The following GRIA4 variants were observed in gnomAD, a reference collection of about 807,000 sequenced individuals.
The protein encoded by GRIA4 is glutamate ionotropic receptor AMPA type subunit 4.
Under a neutral mutation model 104.0 loss-of-function variants are expected in GRIA4, and 34 were observed. The ratio of observed to expected loss-of-function variants is 0.33; its 90% CI spans 0.25 to 0.44. The LOEUF (loss-of-function observed/expected upper bound fraction) is 0.44. GRIA4 is among the 20% of genes least tolerant of loss of function. The pLI, the probability that GRIA4 is intolerant of heterozygous loss-of-function variation, is 1.00. For missense variants in GRIA4, 750 were observed against 1,096.5 expected (o/e 0.68, Z 4.46); for synonymous variants, 386 against 381.9 (o/e 1.01, Z -0.13).
rs200645930 is a variant in GRIA4, at chr11:105,753,181, G to A, written c.448G>A (p.Glu150Lys). The change falls in exon 4 of 17, where the codon GAA becomes AAA. Residue 150 changes from glutamate (E) to lysine (K), a missense_variant. Glu to Lys is a moderately conservative substitution (Grantham distance 56). Transcript: ENST00000282499. ...GALLSLLDHY[E>K]WNCFVFLYDT... ...ACTCTTGAGTTTGCTGGATCACTAC[G>A]AATGGAACTGTTTTGTCTTCCTGTA... 19 of 1,613,626 alleles carry A rather than the reference G, an allele frequency of 1.2e-5. 1 individual carries two copies. Among genetic ancestry groups the A allele is most frequent in the Admixed American group, 8.3e-5 (5 of 59,988 alleles).
chr11:105,676,946 G>T (rs1158858215), intron 3 of GRIA4, among the ~76,000 whole-genome samples: 2 of 151,710 alleles, frequency 1.3e-5, no homozygotes, highest in Non-Finnish European at 3.0e-5. Context: ...ATATTATAGA[G>T]GATTTGTGCA....
chr11:105,678,734 G>A (rs1246762791), intron 3 of GRIA4, among the ~76,000 whole-genome samples: 1 of 152,074 alleles, frequency 6.6e-6, no homozygotes, highest in Non-Finnish European at 1.5e-5. Context: ...GAAATTATGA[G>A]TAGATGAAAC....
chr11:105,830,560 G>T (rs11226859), intron 4 of GRIA4, among the ~76,000 whole-genome samples: 18,071 of 152,058 alleles, frequency 0.12, 1,182 homozygotes, highest in Admixed American at 0.21. Flanking sequence ...TGATAAGCTA[G>T]ATCTCAGCAG....
At chr11:105,853,656 T>C (rs577135446) in intron 4 of GRIA4, among the ~76,000 whole-genome samples, 12 of 152,240 alleles carry the variant, frequency 7.9e-5, no homozygotes, top group African/African-American at 2.9e-4. Context: ...GAAATGAAAA[T>C]GTCATATGGC....
intron 3 of GRIA4, among the ~76,000 whole-genome samples, chr11:105,742,565 CA>C (rs1419424216): frequency 6.6e-6 from 1 of 150,990 alleles, no homozygotes; most frequent in East Asian, 2.0e-4. Flanking sequence ...CACACATATA[CA>C]TGTGTGTATA....
intron 4 of GRIA4, among the ~76,000 whole-genome samples, chr11:105,776,326 T>C (rs1941449500): frequency 6.6e-6 from 1 of 152,304 alleles, no homozygotes; most frequent in African/African-American, 2.4e-5. Context: ...TTTAAAATCA[T>C]ATTTTACCAA....
At chr11:105,768,219 C>T (rs1043239173) in intron 4 of GRIA4, among the ~76,000 whole-genome samples, 2 of 151,866 alleles carry the variant, frequency 1.3e-5, no homozygotes, top group Non-Finnish European at 2.9e-5. Context: ...GAGGTAATGC[C>T]AAGTTTAATA....
At chr11:105,825,125 C>T (rs1307419765) in intron 4 of GRIA4, among the ~76,000 whole-genome samples, 1 of 152,022 alleles carries the variant, frequency 6.6e-6, no homozygotes, top group African/African-American at 2.4e-5. Context: ...AAAAGCTAGG[C>T]CAATGGAAAT....
At chr11:105,861,764 A>G (rs1372329942) in intron 4 of GRIA4, among the ~76,000 whole-genome samples, 1 of 152,232 alleles carries the variant, frequency 6.6e-6, no homozygotes, top group African/African-American at 2.4e-5. Context: ...GTCTACAGCA[A>G]TGCAATGTTC....
At chr11:105,760,068 C>T (rs11826985) in intron 4 of GRIA4, among the ~76,000 whole-genome samples, 2,890 of 152,194 alleles carry the variant, frequency 0.019, 81 homozygotes, top group African/African-American at 0.064. Context: ...CCGAGCCAGA[C>T]TCATTTACGT....
intron 4 of GRIA4, among the ~76,000 whole-genome samples, chr11:105,772,527 A>AT: frequency 6.6e-6 from 1 of 152,152 alleles, no homozygotes; most frequent in Non-Finnish European, 1.5e-5. Context: ...TAATGCATAT[A>AT]ACATATAAAA....
chr11:105,685,884 A>G (rs1952864109), intron 3 of GRIA4, among the ~76,000 whole-genome samples: 1 of 152,148 alleles, frequency 6.6e-6, no homozygotes, highest in Non-Finnish European at 1.5e-5. Flanking sequence ...TTTGAAATCT[A>G]GTATACAATA....
intron 11 of GRIA4, among the ~76,000 whole-genome samples, chr11:105,922,366 C>G (rs138185480): frequency 0.03 from 4,535 of 152,190 alleles, 93 homozygotes; most frequent in Non-Finnish European, 0.044. Flanking sequence ...CATAATCTTT[C>G]TGAAGAAAAG....
At chr11:105,634,989 G>A (rs2135327130) in intron 3 of GRIA4, among the ~76,000 whole-genome samples, 1 of 152,282 alleles carries the variant, frequency 6.6e-6, no homozygotes, top group Non-Finnish European at 1.5e-5. Context: ...ATGTAACTAT[G>A]ATGATAACAT....
At chr11:105,962,903 A>G (rs1195501440) in intron 14 of GRIA4, among the ~76,000 whole-genome samples, 2 of 152,170 alleles carry the variant, frequency 1.3e-5, no homozygotes, top group African/African-American at 4.8e-5. Context: ...ATAGCTAAAA[A>G]TATTTTTCTT....
intron 4 of GRIA4, among the ~76,000 whole-genome samples, chr11:105,818,943 C>T (rs1043296062): frequency 6.6e-6 from 1 of 152,038 alleles, no homozygotes; most frequent in African/African-American, 2.4e-5. Flanking sequence ...AGTCAAGCTA[C>T]GTTAATTAGG....
intron 4 of GRIA4, among the ~76,000 whole-genome samples, chr11:105,841,295 T>A (rs1158796068): frequency 1.3e-5 from 2 of 152,196 alleles, no homozygotes; most frequent in African/African-American, 4.8e-5. Context: ...ACATCTAATA[T>A]CCTCATCACT....
At chr11:105,972,160 T>C in intron 15 of GRIA4, 132 bp downstream of exon 15, 1 of 527,122 alleles carries the variant, frequency 1.9e-6, no homozygotes, top group Non-Finnish European at 3.5e-6. Context: ...AAAGCTAATG[T>C]CATAAATTTC....
chr11:105,707,975 T>C (rs1371803921), intron 3 of GRIA4: 1 of 152,092 alleles, frequency 6.6e-6, no homozygotes, highest in Non-Finnish European at 1.5e-5. Flanking sequence ...AATTAACCGA[T>C]GAGAAGCTCA....
Sources: gnomAD v4.1 joint callset for allele counts (sites outside exome capture counted in the v4.1 genomes callset) on GRCh38, gnomAD v4.1.1 for gene constraint, MANE v1.5 for transcripts, NCBI Gene and HGNC (gene_info 2026-07-23, HGNC 2026-07-21) for gene names.